SLCO3A1: variants seen among roughly 807,000 people sequenced by gnomAD.
The protein encoded by SLCO3A1 is solute carrier organic anion transporter family member 3A1, also known as PGE1 transporter.
A neutral mutation model predicts 63.1 loss-of-function variants in SLCO3A1; 27 were observed. That is an observed-to-expected ratio of 0.43 (90% CI 0.32 to 0.59). SLCO3A1 has a LOEUF of 0.59. SLCO3A1 is among the 20% of genes least tolerant of loss of function. The pLI, the probability that SLCO3A1 is intolerant of heterozygous loss-of-function variation, is 0.09. For missense variants in SLCO3A1, 773 were observed against 945.8 expected (o/e 0.82, Z 2.40); for synonymous variants, 473 against 409.9 (o/e 1.15, Z -1.86).
At chr15:92,166,762 G>C (rs2048495867), downstream of SLCO3A1, among the ~76,000 whole-genome samples, 1 of 152,212 alleles carries the variant, frequency 6.6e-6, no homozygotes, top group South Asian at 2.1e-4. Context: ...CATTTAAAAT[G>C]GAGATAGATA....
downstream of SLCO3A1, among the ~76,000 whole-genome samples, chr15:92,168,755 T>C (rs1275531301): frequency 1.3e-5 from 2 of 152,210 alleles, no homozygotes; most frequent in South Asian, 4.1e-4. Flanking sequence ...AAGAATAAAG[T>C]AAGTACCCCT....
intron 7 of SLCO3A1, among the ~76,000 whole-genome samples, chr15:92,146,011 G>A (rs2048217482): frequency 6.6e-6 from 1 of 152,130 alleles, no homozygotes; most frequent in South Asian, 2.1e-4. Context: ...GAGGAGAACT[G>A]TAAAAGCCAG....
chr15:92,019,574 C>G (rs1488667241), intron 2 of SLCO3A1, among the ~76,000 whole-genome samples: 1 of 152,230 alleles, frequency 6.6e-6, no homozygotes, highest in African/African-American at 2.4e-5. Flanking sequence ...GAAACTTGAA[C>G]TGCATCTTGA....
chr15:91,949,201 C>T (rs879943567), intron 2 of SLCO3A1, among the ~76,000 whole-genome samples: 9 of 152,168 alleles, frequency 5.9e-5, no homozygotes, highest in Admixed American at 2.0e-4. Flanking sequence ...TAGAGACTGG[C>T]GCTGGGGGGA....
chr15:92,081,972 T>C (rs1484417918), intron 2 of SLCO3A1, among the ~76,000 whole-genome samples: 2 of 152,272 alleles, frequency 1.3e-5, no homozygotes, highest in Non-Finnish European at 2.9e-5. Flanking sequence ...ACATATGCTC[T>C]GGCTCTGTCA....
At chr15:91,989,074 C>T (rs1291952447) in intron 2 of SLCO3A1, among the ~76,000 whole-genome samples, 2 of 152,212 alleles carry the variant, frequency 1.3e-5, no homozygotes, top group Non-Finnish European at 1.5e-5. Flanking sequence ...TCTCCTGACA[C>T]TGCCCTTTTC....
chr15:92,115,166 G>T (rs1186382511), intron 4 of SLCO3A1, among the ~76,000 whole-genome samples: 1 of 151,992 alleles, frequency 6.6e-6, no homozygotes, highest in Admixed American at 6.6e-5. Context: ...ACTGCCTTGG[G>T]CAACTTCAAT....
intron 2 of SLCO3A1, among the ~76,000 whole-genome samples, chr15:91,960,813 C>T (rs1900417581): frequency 6.6e-6 from 1 of 152,138 alleles, no homozygotes; most frequent in Non-Finnish European, 1.5e-5. Context: ...TATATAGTCA[C>T]TTACAAGTTG....
At chr15:92,166,184 C>T (rs926516556), downstream of SLCO3A1, among the ~76,000 whole-genome samples, 8 of 152,158 alleles carry the variant, frequency 5.3e-5, no homozygotes, top group Non-Finnish European at 8.8e-5. Flanking sequence ...TCTCAGGGAA[C>T]GCTGGCTCTG....
Position 91,854,926 on chromosome 15 carries a change from A to G in SLCO3A1, c.180+838A>G, listed in dbSNP as rs986101431. Among the ~76,000 whole-genome samples the G allele has an allele frequency of 2.6e-5, 4 of 152,186 alleles. No homozygotes were observed. Among genetic ancestry groups the G allele is most frequent in the Admixed American group, 6.5e-5 (1 of 15,280 alleles). On this transcript the variant is annotated intron_variant, in intron 1 of 9. Transcript: ENST00000318445. The surrounding 1 kb of genome is among the most constrained non-coding windows in gnomAD (Gnocchi z 6.4). ...CAGCTTGTAATGACTCAGCACTGTC[A>G]GGTACCTACTTTGTCGCTTTCGCCT...
In SLCO3A1 at chr15:91,947,924, C is replaced by G. The variant is rs1446821022; in HGVS notation, c.646+31466C>G. Among the ~76,000 whole-genome samples the G allele has an allele frequency of 1.3e-5, 2 of 152,168 alleles. 1 individual carries two copies. Among genetic ancestry groups the G allele is most frequent in the South Asian group, 4.1e-4 (2 of 4,834 alleles). The stretch of plus-strand genomic sequence containing the variant: ...ACAGCTGCTGGCAATTCCCCTTTGG[C>G]CCCCGTGCAGGTGACCGAAAGTGAC... On this transcript the variant is annotated intron_variant, in intron 2 of 9. Coordinates refer to ENST00000318445, the MANE Select transcript of SLCO3A1 (RefSeq NM_013272.4).
intron 2 of SLCO3A1, among the ~76,000 whole-genome samples, chr15:92,034,095 C>A (rs1311924656): frequency 2.0e-5 from 3 of 147,068 alleles, no homozygotes; most frequent in African/African-American, 4.9e-5. Flanking sequence ...CATGGTCTGA[C>A]AACTCCTGGG....
intron 2 of SLCO3A1, among the ~76,000 whole-genome samples, chr15:92,006,821 A>G (rs926181718): frequency 9.9e-5 from 15 of 152,260 alleles, no homozygotes; most frequent in African/African-American, 3.1e-4. Flanking sequence ...TTAAGCTACC[A>G]CTCCAGTCCA....
At chr15:91,958,298 C>G (rs1195431487) in intron 2 of SLCO3A1, among the ~76,000 whole-genome samples, 1 of 151,914 alleles carries the variant, frequency 6.6e-6, no homozygotes, top group Non-Finnish European at 1.5e-5. Flanking sequence ...GGAGGGTGAC[C>G]CTGTCGCCTG....
chr15:92,130,085 G>C (rs2047974095), intron 7 of SLCO3A1, among the ~76,000 whole-genome samples: 1 of 152,190 alleles, frequency 6.6e-6, no homozygotes, highest in Non-Finnish European at 1.5e-5. Flanking sequence ...CCTGTTATAA[G>C]AATTAAATTG....
Position 92,131,763 on chromosome 15 carries a change from TC to T in SLCO3A1, c.1512+3277del, listed in dbSNP as rs1405402472. ...TGTTTCTCTTATCTGCAGCAGTCTC[TC>T]CCTTCTAAGCTCTGTCTTATCTCTC... On this transcript the variant is annotated intron_variant, in intron 7 of 9. Transcript: ENST00000318445. 6.2e-5 allele frequency among the ~76,000 whole-genome samples: 9 copies of T among 145,736 alleles called. 1 individual carries two copies.
At chr15:91,982,054 C>T (rs1365484190) in intron 2 of SLCO3A1, among the ~76,000 whole-genome samples, 5 of 152,270 alleles carry the variant, frequency 3.3e-5, no homozygotes, top group African/African-American at 7.2e-5. Flanking sequence ...AAGTCCTTGG[C>T]GTGCAAGGTG....
At chr15:92,045,277 C>CT (rs1293409753) in intron 2 of SLCO3A1, among the ~76,000 whole-genome samples, 4 of 50,162 alleles carry the variant, frequency 8.0e-5, no homozygotes, top group Middle Eastern at 8.5e-3. Context: ...AAGACTCCAT[C>CT]TCAAAAAAAA....
At position 91,915,084 on chromosome 15, in the gene SLCO3A1, G is replaced by A. The variant is rs1898609110; in HGVS notation, c.181-909G>A. Among the ~76,000 whole-genome samples the A allele has an allele frequency of 2.0e-5, 3 of 152,144 alleles. No individual in the cohort carries two copies. In the South Asian group the frequency reaches 6.2e-4, roughly 31 times the overall value. On this transcript the variant is annotated intron_variant, in intron 1 of 9. Coordinates refer to ENST00000318445, the MANE Select transcript of SLCO3A1 (RefSeq NM_013272.4). Reference sequence around the variant, plus strand: ...TCTCATTTTCTTACCACTTTAAGAAGCCCTGTAAGAATGCATCTCCTCATG... The same window carrying A: ...TCTCATTTTCTTACCACTTTAAGAAACCCTGTAAGAATGCATCTCCTCATG...
Sources: gnomAD v4.1 joint callset for allele counts (sites outside exome capture counted in the v4.1 genomes callset) on GRCh38, gnomAD v4.1.1 for gene constraint, Gnocchi (gnomAD v3.1) non-coding constraint, MANE v1.5 for transcripts, NCBI Gene and HGNC (gene_info 2026-07-23, HGNC 2026-07-21) for gene names.